HMBOX1: variants seen among roughly 807,000 people sequenced by gnomAD.
The protein encoded by HMBOX1 is homeobox containing 1.
HMBOX1 carries 14 observed loss-of-function variants against 54.5 expected under a neutral mutation model. That is an observed-to-expected ratio of 0.26 (90% CI 0.17 to 0.40). HMBOX1 has a LOEUF of 0.40. Among genes scored for constraint, HMBOX1 ranks in the 10% least tolerant of loss-of-function variants. The pLI, the probability that HMBOX1 is intolerant of heterozygous loss-of-function variation, is 1.00. For synonymous variants in HMBOX1, 160 were observed against 181.0 expected (o/e 0.88, Z 0.93); for missense variants, 332 against 514.4 (o/e 0.65, Z 3.43).
chr8:28,938,498 G>A (rs940793611), intron 1 of HMBOX1, among the ~76,000 whole-genome samples: 3 of 152,070 alleles, frequency 2.0e-5, no homozygotes, highest in Non-Finnish European at 4.4e-5. Context: ...GAATACAGTG[G>A]CACGATCATA....
At chr8:28,931,070 T>C (rs1191666519) in intron 1 of HMBOX1, among the ~76,000 whole-genome samples, 2 of 152,206 alleles carry the variant, frequency 1.3e-5, no homozygotes, top group Non-Finnish European at 2.9e-5. Context: ...TTTGTTGTTG[T>C]TATCATGTTG....
chr8:28,904,623 C>T (rs1813898450), intron 1 of HMBOX1, among the ~76,000 whole-genome samples: 1 of 152,058 alleles, frequency 6.6e-6, no homozygotes, highest in Non-Finnish European at 1.5e-5. Context: ...TTGTGCCAAA[C>T]ATTGAACCTT....
intron 4 of HMBOX1, among the ~76,000 whole-genome samples, chr8:28,996,350 G>A (rs780548901): frequency 1.3e-5 from 2 of 152,026 alleles, no homozygotes; most frequent in African/African-American, 2.4e-5. Flanking sequence ...CTGATAAATC[G>A]CTTATCAGAT....
At chr8:28,944,617 T>A (rs568640771) in intron 1 of HMBOX1, among the ~76,000 whole-genome samples, 1 of 152,322 alleles carries the variant, frequency 6.6e-6, no homozygotes, top group East Asian at 1.9e-4. Context: ...TCTCCAGTAC[T>A]ACATCCTTAT....
At chr8:29,039,857 A>T (rs1804570020) in intron 6 of HMBOX1, among the ~76,000 whole-genome samples, 1 of 152,284 alleles carries the variant, frequency 6.6e-6, no homozygotes, top group East Asian at 1.9e-4. Context: ...TGGGGGATTA[A>T]GATGGGATTT....
rs1825340822 is a variant in HMBOX1, at chr8:28,960,753, CTTTTTCTTTTTCTT to C, written c.-57-3052_-57-3039del. ...ATAATTGTAAACTTATTCTCTTTTT[CTTTTTCTTTTTCTT>C]TTTTTTTTTTTTTTTTTTTTTTTTT... is the stretch of plus-strand genomic sequence containing the variant. On this transcript the variant is annotated intron_variant, in intron 1 of 9. Coordinates refer to ENST00000287701, the MANE Select transcript of HMBOX1 (RefSeq NM_001135726.3). Among the ~76,000 whole-genome samples, 305 of 65,636 alleles carry C rather than the reference CTTTTTCTTTTTCTT, an allele frequency of 4.6e-3. 42 individuals carry two copies. The highest frequency in any genetic ancestry group is 0.017 in the African/African-American group (273 of 16,136). The allele number at this position is 65,636 out of a possible 152,430, so 43.1% of individuals were successfully genotyped here. A position where few individuals can be genotyped will look rare whatever the true frequency, so the allele number is the denominator to read the frequency against.
chr8:28,990,964 T>G (rs141773290), intron 4 of HMBOX1, among the ~76,000 whole-genome samples: 2 of 152,250 alleles, frequency 1.3e-5, no homozygotes, highest in East Asian at 3.9e-4. Flanking sequence ...CTTTCTAGTC[T>G]TACAATGTCC....
At chr8:29,050,929 G>T in intron 9 of HMBOX1, 89 bp from the exon 10 acceptor site, 2 of 1,348,502 alleles carry the variant, frequency 1.5e-6, no homozygotes, top group Non-Finnish European at 1.0e-6. Flanking sequence ...TCCCACGAAT[G>T]TTCTGCCTCC....
intron 1 of HMBOX1, among the ~76,000 whole-genome samples, chr8:28,957,786 C>G (rs954417801): frequency 6.6e-6 from 1 of 152,016 alleles, no homozygotes; most frequent in Non-Finnish European, 1.5e-5. Context: ...CCATGCCCAG[C>G]TAATTTTTGT....
At chr8:28,988,028 A>G (rs1366054190) in intron 4 of HMBOX1, among the ~76,000 whole-genome samples, 1 of 152,200 alleles carries the variant, frequency 6.6e-6, no homozygotes, top group Non-Finnish European at 1.5e-5. Context: ...CAAATTCAAG[A>G]TATGAATATT....
At chr8:28,971,086 CTTTTTTTTTT>C (rs146543031) in intron 3 of HMBOX1, among the ~76,000 whole-genome samples, 3 of 83,214 alleles carry the variant, frequency 3.6e-5, no homozygotes, top group Non-Finnish European at 7.0e-5. Context: ...AAGAAATCTA[CTTTTTTTTTT>C]TTTTTTTTTT....
chr8:28,968,757 G>A (rs1158736092), intron 2 of HMBOX1, among the ~76,000 whole-genome samples: 1 of 152,166 alleles, frequency 6.6e-6, no homozygotes, highest in Non-Finnish European at 1.5e-5. Context: ...GTTTCCATCT[G>A]CAAACACTTA....
At chr8:28,962,911 C>A (rs1825853605) in intron 1 of HMBOX1, among the ~76,000 whole-genome samples, 1 of 152,112 alleles carries the variant, frequency 6.6e-6, no homozygotes, top group East Asian at 1.9e-4. Context: ...CTAAGCTCCT[C>A]TACTGTTGGG....
intron 1 of HMBOX1, among the ~76,000 whole-genome samples, chr8:28,926,678 C>T (rs557067199): frequency 3.9e-5 from 6 of 152,272 alleles, no homozygotes; most frequent in African/African-American, 1.2e-4. Flanking sequence ...AGTGACCCTC[C>T]TGCCTCAGCT....
intron 1 of HMBOX1, among the ~76,000 whole-genome samples, chr8:28,909,635 A>G (rs765769321): frequency 1.1e-4 from 17 of 152,318 alleles, no homozygotes; most frequent in Non-Finnish European, 2.2e-4. Flanking sequence ...AGCTCCTGCA[A>G]ACAATCTACA....
intron 1 of HMBOX1, among the ~76,000 whole-genome samples, chr8:28,960,477 C>G (rs1434875718): frequency 1.3e-5 from 2 of 151,630 alleles, no homozygotes; most frequent in African/African-American, 2.4e-5. Context: ...GAAAAAAAAA[C>G]TTCTTTGTTA....
chr8:29,039,886 C>A (rs1586655243), intron 6 of HMBOX1, among the ~76,000 whole-genome samples: 1 of 152,176 alleles, frequency 6.6e-6, no homozygotes, highest in South Asian at 2.1e-4. Context: ...TCCAAGATAA[C>A]AGCACTATCT....
At chr8:28,966,607 GAAAT>G (rs1826478860) in intron 2 of HMBOX1, among the ~76,000 whole-genome samples, 1 of 152,172 alleles carries the variant, frequency 6.6e-6, no homozygotes, top group Non-Finnish European at 1.5e-5. Context: ...TAAATTATGA[GAAAT>G]AAAATTGTGA....
chr8:28,947,265 A>T (rs1259306028), intron 1 of HMBOX1, among the ~76,000 whole-genome samples: 3 of 152,222 alleles, frequency 2.0e-5, no homozygotes, highest in Non-Finnish European at 1.5e-5. Flanking sequence ...AGTTGCTTAC[A>T]GTATCATGAG....
Sources: gnomAD v4.1 joint callset for allele counts (sites outside exome capture counted in the v4.1 genomes callset) on GRCh38, gnomAD v4.1.1 for gene constraint, MANE v1.5 for transcripts, NCBI Gene and HGNC (gene_info 2026-07-23, HGNC 2026-07-21) for gene names.